Variants in DOC2B observed in about 807,000 individuals in gnomAD.
DOC2B encodes the protein double C2-like domain-containing protein beta.
Under a neutral mutation model 28.9 loss-of-function variants are expected in DOC2B, and 21 were observed. The observed-to-expected ratio is 0.73, with a 90% CI of 0.52 to 1.05. The LOEUF (loss-of-function observed/expected upper bound fraction) is 1.05. DOC2B is among the 50% of genes least tolerant of loss of function. DOC2B has a pLI of 0.00. For missense variants in DOC2B, 384 were observed against 421.1 expected (o/e 0.91, Z 0.77); for synonymous variants, 194 against 178.1 (o/e 1.09, Z -0.71).
chr17:178,395 A>G (rs2040393796), intron 1 of DOC2B, among the ~76,000 whole-genome samples: 1 of 152,254 alleles, frequency 6.6e-6, no homozygotes, highest in Non-Finnish European at 1.5e-5. Context: ...GTTATCTGTC[A>G]CTTGCAACCC....
intron 2 of DOC2B, among the ~76,000 whole-genome samples, 159 bp from the exon 3 acceptor site, chr17:164,363 G>T (rs1567534164): frequency 6.6e-6 from 1 of 152,272 alleles, no homozygotes; most frequent in Admixed American, 6.5e-5. Context: ...AGGGAGTGAG[G>T]ATGGCTCAAC....
chr17:170,422 C>T (rs1325615357), intron 2 of DOC2B, among the ~76,000 whole-genome samples: 3 of 152,114 alleles, frequency 2.0e-5, no homozygotes, highest in African/African-American at 7.2e-5. Flanking sequence ...TGGGGTGGCA[C>T]GCAGTAGCCT....
At chr17:159,740 G>T (rs528515145) in intron 5 of DOC2B, among the ~76,000 whole-genome samples, 5 of 152,140 alleles carry the variant, frequency 3.3e-5, no homozygotes, top group African/African-American at 1.2e-4. Flanking sequence ...GGCCGGTAGC[G>T]CATCCAGCAA....
intron 1 of DOC2B, among the ~76,000 whole-genome samples, chr17:173,993 C>T (rs905932408): frequency 3.3e-5 from 5 of 152,218 alleles, no homozygotes; most frequent in African/African-American, 1.2e-4. Flanking sequence ...AAAATATTTA[C>T]TATCCAGCCC....
In DOC2B at chr17:155,925, C is replaced by T. The variant is rs150234152; in HGVS notation, c.923+295G>A. On this transcript the variant is annotated intron_variant, in intron 6 of 8. Coordinates refer to ENST00000613549, the MANE Select transcript of DOC2B (RefSeq NM_003585.5). ...TTCTGTCCCCTCCTGCAACTCATGG[C>T]CCCTCCTGGGCCCCTCAGTCACAGA... The T allele has an allele frequency of 6.4e-3, 2,516 of 393,752 alleles. 11 individuals carry two copies. Among genetic ancestry groups the T allele is most frequent in the Middle Eastern group, 0.017 (27 of 1,600 alleles). 24.4% of individuals were successfully genotyped at this position (393,752 alleles called of 1,614,324 possible).
intron 5 of DOC2B, among the ~76,000 whole-genome samples, chr17:157,184 C>T (rs1021477091): frequency 1.3e-5 from 2 of 152,234 alleles, no homozygotes; most frequent in African/African-American, 2.4e-5. Flanking sequence ...CCTCACAGCC[C>T]GCCCGGACTT....
intron 1 of DOC2B, among the ~76,000 whole-genome samples, chr17:175,684 C>T (rs1469547118): frequency 2.0e-5 from 3 of 152,216 alleles, no homozygotes; most frequent in African/African-American, 4.8e-5. Context: ...TCTGGTGTGA[C>T]ACCCAAGTGT....
At chr17:180,390 A>C (rs1383692778) in intron 1 of DOC2B, among the ~76,000 whole-genome samples, 1 of 151,506 alleles carries the variant, frequency 6.6e-6, no homozygotes, top group Non-Finnish European at 1.5e-5. Context: ...GTCCGGGAGG[A>C]GGGGGAGCGG....
In DOC2B at chr17:143,205, T is replaced by C. The variant is rs1301665588; in HGVS notation, c.*4236A>G. 7 of 152,170 alleles carry C rather than the reference T, an allele frequency of 4.6e-5. No homozygotes were observed. The highest frequency in any genetic ancestry group is 4.6e-4 in the Admixed American group (7 of 15,274). 9.4% of individuals were successfully genotyped at this position (152,170 alleles called of 1,614,324 possible). A position where few individuals can be genotyped will look rare whatever the true frequency, so the allele number is the denominator to read the frequency against. ...TATTTTAACCTCTCTGGGCCTTAGT[T>C]TCCCCATCTGTAACTTGAGGGCCTA... is the stretch of plus-strand genomic sequence containing the variant. On this transcript the variant is annotated 3_prime_UTR_variant, in exon 9 of 9. Transcript: ENST00000613549.
At chr17:178,828 T>G (rs1387613233) in intron 1 of DOC2B, among the ~76,000 whole-genome samples, 1 of 152,208 alleles carries the variant, frequency 6.6e-6, no homozygotes, top group Non-Finnish European at 1.5e-5. Context: ...GCAAATAGCA[T>G]AACCCTGGCT....
At chr17:153,000 T>A (rs2040088581) in intron 6 of DOC2B, among the ~76,000 whole-genome samples, 1 of 152,114 alleles carries the variant, frequency 6.6e-6, no homozygotes, top group African/African-American at 2.4e-5. Context: ...AGGCCCCTGG[T>A]CCATGAAGGG....
At position 181,051 on chromosome 17, in the gene DOC2B, G is replaced by A. The variant is rs184036955; in HGVS notation, c.373+56C>T. 6 of 1,207,118 alleles carry A rather than the reference G, an allele frequency of 5.0e-6. No homozygotes were observed. Among genetic ancestry groups the A allele is most frequent in the African/African-American group, 4.7e-5 (3 of 63,178 alleles). 74.8% of individuals were successfully genotyped at this position (1,207,118 alleles called of 1,614,324 possible). A position where few individuals can be genotyped will look rare whatever the true frequency, so the allele number is the denominator to read the frequency against. On this transcript the variant is annotated intron_variant, in intron 1 of 8. Transcript: ENST00000613549. The surrounding 1 kb of genome is among the most constrained non-coding windows in gnomAD (Gnocchi z 7.0). The stretch of plus-strand genomic sequence containing the variant: ...GCGGAGGGAAGCCGCGAGGCCGTGG[G>A]GGGGCCGAGCCCGAGCCAGGGGAGG...
rs893123072 is a variant in DOC2B at position 156,204 on chromosome 17, C to T, written c.923+16G>A. ...GGTGAAGACGTGGCAGGTGGTCACG[C>T]GCACGGCACACTCACGTTTTCACGT... is the stretch of plus-strand genomic sequence containing the variant. On this transcript the variant is annotated intron_variant, in intron 6 of 8. Transcript: ENST00000613549. 13 of 1,540,522 alleles carry T rather than the reference C, an allele frequency of 8.4e-6. No individual in the cohort carries two copies. Among genetic ancestry groups the T allele is most frequent in the East Asian group, 4.9e-5 (2 of 40,534 alleles).
chr17:157,072 G>A lies in DOC2B; in HGVS notation c.766-695C>T, dbSNP rs922779785. Reference sequence around the variant, plus strand: ...GAGCTGCATGGTGGCCACAGATTGCGAGGCACACAGAGCCTAACATTAGCG... The same window carrying A: ...GAGCTGCATGGTGGCCACAGATTGCAAGGCACACAGAGCCTAACATTAGCG... On this transcript the variant is annotated intron_variant, in intron 5 of 8. Coordinates refer to ENST00000613549, the MANE Select transcript of DOC2B (RefSeq NM_003585.5). 4.6e-5 allele frequency among the ~76,000 whole-genome samples: 7 copies of A among 152,184 alleles called. 1 individual carries two copies. Among genetic ancestry groups the A allele is most frequent in the African/African-American group, 1.2e-4 (5 of 41,434 alleles).
At position 158,998 on chromosome 17, in the gene DOC2B, T is replaced by C. The variant is rs925247345; in HGVS notation, c.765+2417A>G. ...GGCGGAGGTTGAAGTAAGCCGACAT[T>C]GCGCCACTGCACTCCAGCCTGGGCG... is the stretch of plus-strand genomic sequence containing the variant. On this transcript the variant is annotated intron_variant, in intron 5 of 8. Transcript: ENST00000613549. Among the ~76,000 whole-genome samples, 20 of 148,128 alleles carry C rather than the reference T, an allele frequency of 1.4e-4. 1 individual carries two copies. Among genetic ancestry groups the C allele is most frequent in the Non-Finnish European group, 1.3e-4 (9 of 67,506 alleles).
chr17:172,323 C>A (rs1232687512), intron 2 of DOC2B, among the ~76,000 whole-genome samples: 1 of 152,174 alleles, frequency 6.6e-6, no homozygotes, highest in Non-Finnish European at 1.5e-5. Context: ...TGTTTCTTTG[C>A]TCCCCGCAAT....
intron 1 of DOC2B, among the ~76,000 whole-genome samples, chr17:176,391 T>TTGG (rs2040370192): frequency 1.3e-5 from 1 of 75,948 alleles, no homozygotes; most frequent in African/African-American, 3.9e-5. Flanking sequence ...GTGGTGTTGG[T>TTGG]GCGGGGGGTG....
intron 5 of DOC2B, among the ~76,000 whole-genome samples, chr17:159,605 C>G (rs779433394): frequency 1.8e-4 from 27 of 152,136 alleles, no homozygotes; most frequent in Admixed American, 1.6e-3. Context: ...GCCTGGATGA[C>G]AGAGCAAGAC....
At chr17:172,653 G>A (rs1412590106) in intron 1 of DOC2B, 37 bp from the exon 2 acceptor site, 25 of 1,509,010 alleles carry the variant, frequency 1.7e-5, no homozygotes, top group Non-Finnish European at 2.1e-5. Context: ...CACCCTGGCC[G>A]CATCTTGGAG....
Sources: gnomAD v4.1 joint callset for allele counts (sites outside exome capture counted in the v4.1 genomes callset) on GRCh38, gnomAD v4.1.1 for gene constraint, Gnocchi (gnomAD v3.1) non-coding constraint, MANE v1.5 for transcripts, NCBI Gene and HGNC (gene_info 2026-07-23, HGNC 2026-07-21) for gene names.